Variants in DRC11 observed in about 807,000 individuals in gnomAD.
DRC11 encodes the protein dynein regulatory complex subunit 11, also known as IQ and AAA domain-containing protein 1.
the DRC11 span, among the ~76,000 whole-genome samples, chr2:236,495,862 G>C: frequency 6.6e-6 from 1 of 152,118 alleles, no homozygotes; most frequent in Non-Finnish European, 1.5e-5. The surrounding 1 kb of genome is among the most constrained non-coding windows in gnomAD (Gnocchi z 5.6). Flanking sequence ...CACTGCTCTT[G>C]GTGCTTGGTG....
At chr2:236,415,543 A>G in the DRC11 span, among the ~76,000 whole-genome samples, 1 of 152,192 alleles carries the variant, frequency 6.6e-6, no homozygotes, top group African/African-American at 2.4e-5. The surrounding 1 kb of genome is among the most constrained non-coding windows in gnomAD (Gnocchi z 5.7). Context: ...AAATATATCA[A>G]TTTTTATTAG....
chr2:236,352,161 G>A, the DRC11 span, among the ~76,000 whole-genome samples: 1 of 152,052 alleles, frequency 6.6e-6, no homozygotes, highest in Admixed American at 6.5e-5. The surrounding 1 kb of genome is among the most constrained non-coding windows in gnomAD (Gnocchi z 7.0). Flanking sequence ...GGTCTGGAGC[G>A]ATAGCTAGCC....
At chr2:236,334,243 T>C in the DRC11 span, among the ~76,000 whole-genome samples, 30,063 of 152,144 alleles carry the variant, frequency 0.2, 3,082 homozygotes, top group African/African-American at 0.26. This position sits in a 1 kb window ranked among gnomAD's most constrained non-coding sequence, Gnocchi z 7.8. Context: ...TTTTACACAA[T>C]CACCCACTCA....
At chr2:236,416,721 T>TTATATATATATATATATATATATA in the DRC11 span, among the ~76,000 whole-genome samples, 4 of 64,244 alleles carry the variant, frequency 6.2e-5, no homozygotes, top group African/African-American at 1.2e-4. Context: ...ATATATATAT[T>TTATATATATATATATATATATATA]TATATATATA....
At chr2:236,410,268 T>C in the DRC11 span, among the ~76,000 whole-genome samples, 1 of 151,844 alleles carries the variant, frequency 6.6e-6, no homozygotes, top group Non-Finnish European at 1.5e-5. Flanking sequence ...AAGCTATTGA[T>C]TATTGCCACA....
At chr2:236,409,546 G>A in the DRC11 span, among the ~76,000 whole-genome samples, 358 of 152,068 alleles carry the variant, frequency 2.4e-3, 2 homozygotes, top group East Asian at 7.9e-3. Flanking sequence ...CAATCATGTC[G>A]TCTGCAAACA....
At chr2:236,413,664 A>G in the DRC11 span, among the ~76,000 whole-genome samples, 5 of 152,234 alleles carry the variant, frequency 3.3e-5, no homozygotes, top group Admixed American at 6.5e-5. This position sits in a 1 kb window ranked among gnomAD's most constrained non-coding sequence, Gnocchi z 4.0. Flanking sequence ...ATTGTGCTGT[A>G]TAAAGGTCCA....
the DRC11 span, among the ~76,000 whole-genome samples, chr2:236,342,555 C>T: frequency 6.6e-6 from 1 of 152,304 alleles, no homozygotes; most frequent in South Asian, 2.1e-4. The surrounding 1 kb of genome is among the most constrained non-coding windows in gnomAD (Gnocchi z 5.8). Context: ...AGGAAGGCAG[C>T]AGGAACTCTG....
the DRC11 span, among the ~76,000 whole-genome samples, chr2:236,311,366 C>T: frequency 2.0e-5 from 3 of 152,210 alleles, no homozygotes; most frequent in African/African-American, 7.2e-5. The surrounding 1 kb of genome is among the most constrained non-coding windows in gnomAD (Gnocchi z 6.9). Flanking sequence ...AATCTGCTGG[C>T]AGTCTTGTGT....
the DRC11 span, chr2:236,346,604 C>T: frequency 1.2e-5 from 2 of 168,616 alleles, no homozygotes; most frequent in African/African-American, 2.4e-5. Context: ...AGAACTGAGA[C>T]GAGTAGGTGG....
the DRC11 span, among the ~76,000 whole-genome samples, chr2:236,389,636 A>G: frequency 2.0e-5 from 3 of 152,006 alleles, no homozygotes; most frequent in Non-Finnish European, 4.4e-5. Context: ...CGTCGCTCAC[A>G]CTGGGAGCTG....
chr2:236,480,251 AC>A, the DRC11 span, among the ~76,000 whole-genome samples: 1 of 151,812 alleles, frequency 6.6e-6, no homozygotes, highest in African/African-American at 2.4e-5. Context: ...GTGATCTCTA[AC>A]CTTCCTATAC....
At chr2:236,422,899 A>T in the DRC11 span, among the ~76,000 whole-genome samples, 1 of 152,006 alleles carries the variant, frequency 6.6e-6, no homozygotes, top group Non-Finnish European at 1.5e-5. Flanking sequence ...ATAATGCCGC[A>T]TATCTACAAC....
At chr2:236,463,254 C>T in the DRC11 span, among the ~76,000 whole-genome samples, 1 of 151,894 alleles carries the variant, frequency 6.6e-6, no homozygotes, top group Middle Eastern at 3.2e-3. This position sits in a 1 kb window ranked among gnomAD's most constrained non-coding sequence, Gnocchi z 5.0. Context: ...TGAAACCATC[C>T]CCAGAAAGCA....
chr2:236,357,690 TA>T, the DRC11 span, among the ~76,000 whole-genome samples: 1 of 87,454 alleles, frequency 1.1e-5, no homozygotes, highest in African/African-American at 4.1e-5. Flanking sequence ...TTACAATATG[TA>T]AATATCTGAT....
the DRC11 span, among the ~76,000 whole-genome samples, chr2:236,401,481 G>A: frequency 6.6e-6 from 1 of 152,202 alleles, no homozygotes; most frequent in Non-Finnish European, 1.5e-5. The surrounding 1 kb of genome is among the most constrained non-coding windows in gnomAD (Gnocchi z 4.6). Context: ...TGGCCTGTGT[G>A]CGACATTTGC....
the DRC11 span, among the ~76,000 whole-genome samples, chr2:236,352,185 G>A: frequency 7.8e-4 from 119 of 152,152 alleles, no homozygotes; most frequent in East Asian, 0.021. This position sits in a 1 kb window ranked among gnomAD's most constrained non-coding sequence, Gnocchi z 7.0. Context: ...AAGCCAGGGG[G>A]CCAATGAGCA....
At chr2:236,397,320 G>A in the DRC11 span, among the ~76,000 whole-genome samples, 3 of 152,136 alleles carry the variant, frequency 2.0e-5, no homozygotes, top group Non-Finnish European at 2.9e-5. This position sits in a 1 kb window ranked among gnomAD's most constrained non-coding sequence, Gnocchi z 5.0. Context: ...TTACATAGTC[G>A]TATCAGAAGA....
the DRC11 span, among the ~76,000 whole-genome samples, chr2:236,449,795 C>A: frequency 2.6e-5 from 4 of 152,176 alleles, no homozygotes. This position sits in a 1 kb window ranked among gnomAD's most constrained non-coding sequence, Gnocchi z 5.1. Flanking sequence ...ACCTCCCCTC[C>A]CCAGCTAGTG....
Sources: gnomAD v4.1 joint callset for allele counts (sites outside exome capture counted in the v4.1 genomes callset) on GRCh38, gnomAD v4.1.1 for gene constraint, Gnocchi (gnomAD v3.1) non-coding constraint, MANE v1.5 for transcripts, NCBI Gene and HGNC (gene_info 2026-07-23, HGNC 2026-07-21) for gene names.